Variants in WWTR1 observed in about 807,000 individuals in gnomAD.
WWTR1 encodes the protein WW domain containing transcription regulator 1.
WWTR1 carries 13 observed loss-of-function variants against 40.1 expected under a neutral mutation model. The observed-to-expected ratio is 0.32, with a 90% confidence interval of 0.21 to 0.52. WWTR1 has a LOEUF of 0.52. WWTR1 is among the 20% of genes least tolerant of loss of function. The pLI, the probability that WWTR1 is intolerant of heterozygous loss-of-function variation, is 0.97. For missense variants in WWTR1, 436 were observed against 523.1 expected, an observed-to-expected ratio of 0.83 and a Z score of 1.63; for synonymous variants, 230 against 210.1, an observed-to-expected ratio of 1.09 and a Z score of -0.82.
chr3:149,567,728 A>C lies in WWTR1; in HGVS notation c.568+5136T>G, dbSNP rs139497563. Among the ~76,000 whole-genome samples, 383 of 152,330 alleles carry C rather than the reference A, an allele frequency of 2.5e-3. 1 individual carries two copies. The highest frequency in any genetic ancestry group is 8.6e-3 in the African/African-American group (358 of 41,586). The stretch of plus-strand genomic sequence containing the variant: ...GTACCAAGACATGGACTACCTAAAT[A>C]CTCAAAACAACGTTATCAGATAGGT... On this transcript the variant is annotated intron_variant, in intron 3 of 6. Transcript: ENST00000360632.
intron 2 of WWTR1, among the ~76,000 whole-genome samples, chr3:149,641,927 G>A (rs1166363241): frequency 6.6e-6 from 1 of 152,180 alleles, no homozygotes; most frequent in African/African-American, 2.4e-5. Context: ...AGACATGCAA[G>A]ATCAATAACT....
Position 149,572,818 on chromosome 3 carries a change from C to G in WWTR1, c.568+46G>C, listed in dbSNP as rs1006572318. 2.8e-6 allele frequency: 4 copies of G among 1,409,908 alleles called. No individual in the cohort carries two copies. The African/African-American group carries it at 5.9e-5, about 21-fold the overall frequency. 87.3% of individuals were successfully genotyped at this position (1,409,908 alleles called of 1,614,324 possible). ...GCAACAAAGGGAGACCCCAACTCTA[C>G]AAAAAAAAAATATCTTTTTTAATTT... On this transcript the variant is annotated intron_variant, in intron 3 of 6. Transcript: ENST00000360632.
chr3:149,559,310 A>G (rs528784080), intron 3 of WWTR1, among the ~76,000 whole-genome samples: 22 of 147,750 alleles, frequency 1.5e-4, no homozygotes, highest in South Asian at 6.7e-4. Flanking sequence ...AAAAAAAAAA[A>G]AAAGAAAAGA....
intron 2 of WWTR1, among the ~76,000 whole-genome samples, chr3:149,640,288 T>G (rs1285994166): frequency 6.6e-6 from 1 of 152,180 alleles, no homozygotes; most frequent in Non-Finnish European, 1.5e-5. Flanking sequence ...GCAAAACAAT[T>G]GAAACTATTT....
intron 3 of WWTR1, among the ~76,000 whole-genome samples, chr3:149,561,154 C>T (rs969492939): frequency 1.3e-5 from 2 of 152,076 alleles, no homozygotes; most frequent in African/African-American, 4.8e-5. Context: ...ATTGAAACAT[C>T]ATTTATAATG....
intron 3 of WWTR1, among the ~76,000 whole-genome samples, chr3:149,561,326 T>TA (rs145568418): frequency 0.16 from 23,776 of 150,902 alleles, 2,187 homozygotes; most frequent in South Asian, 0.35. Flanking sequence ...ATTCATAAGT[T>TA]AAAAAAAAAG....
At position 149,620,006 on chromosome 3, in the gene WWTR1, A is replaced by G. The variant is rs529482562; in HGVS notation, c.431+36870T>C. Among the ~76,000 whole-genome samples the G allele has an allele frequency of 1.5e-4, 23 of 151,890 alleles. No individual in the cohort carries two copies. The South Asian group carries it at 4.8e-3, about 32-fold the overall frequency. On this transcript the variant is annotated intron_variant, in intron 2 of 6. Coordinates refer to ENST00000360632, the MANE Select transcript of WWTR1 (RefSeq NM_015472.6). Reference sequence around the variant, plus strand: ...GTCACCCAATTTGGGACTTAGCTCCATTTAACATCTACACGCTTTGATGTA... The same window carrying G: ...GTCACCCAATTTGGGACTTAGCTCCGTTTAACATCTACACGCTTTGATGTA...
chr3:149,626,624 A>C (rs1276972356), intron 2 of WWTR1, among the ~76,000 whole-genome samples: 3 of 152,050 alleles, frequency 2.0e-5, no homozygotes, highest in Non-Finnish European at 4.4e-5. Context: ...GTTTTTGGTT[A>C]GAGGTAAAAT....
chr3:149,656,793 AC>A, intron 2 of WWTR1, 82 bp downstream of exon 2: 2 of 680,968 alleles, frequency 2.9e-6, no homozygotes, highest in African/African-American at 4.0e-5. Context: ...TCTCTCTCTC[AC>A]ACACACACAC....
At chr3:149,558,609 G>T (rs1044552764) in intron 3 of WWTR1, among the ~76,000 whole-genome samples, 1 of 152,148 alleles carries the variant, frequency 6.6e-6, no homozygotes, top group Non-Finnish European at 1.5e-5. Flanking sequence ...GGAACAAATC[G>T]TGTGCCTCCT....
At chr3:149,558,223 T>G (rs1228482262) in intron 3 of WWTR1, among the ~76,000 whole-genome samples, 1 of 151,790 alleles carries the variant, frequency 6.6e-6, no homozygotes, top group Admixed American at 6.6e-5. Context: ...TGGTCTTGAG[T>G]CACACTGAGA....
intron 3 of WWTR1, among the ~76,000 whole-genome samples, chr3:149,553,574 G>C (rs943965615): frequency 6.6e-6 from 1 of 152,008 alleles, no homozygotes; most frequent in Non-Finnish European, 1.5e-5. Context: ...ATTTAGAAAG[G>C]CTTATATATG....
intron 2 of WWTR1, among the ~76,000 whole-genome samples, chr3:149,606,034 G>C (rs1204578372): frequency 1.3e-5 from 2 of 152,222 alleles, no homozygotes; most frequent in African/African-American, 4.8e-5. Flanking sequence ...AGGCCCTCAT[G>C]AAAGAGGCCA....
Position 149,520,377 on chromosome 3 carries a change from C to T in WWTR1, c.*428G>A, listed in dbSNP as rs944053251. ...CAATACAGTTTTTGAAACTGTAAATCAGGTCGAATTTTGTGCACATTTCCT... is the reference window on the plus strand; with the variant it reads ...CAATACAGTTTTTGAAACTGTAAATTAGGTCGAATTTTGTGCACATTTCCT... On this transcript the variant is annotated 3_prime_UTR_variant, in exon 7 of 7. Transcript: ENST00000360632. 5 of 154,162 alleles carry T rather than the reference C, an allele frequency of 3.2e-5. No homozygotes were observed. Among genetic ancestry groups the T allele is most frequent in the African/African-American group, 1.2e-4 (5 of 41,504 alleles). 9.5% of individuals were successfully genotyped at this position (154,162 alleles called of 1,614,324 possible).
chr3:149,634,015 T>C (rs540736953), intron 2 of WWTR1, among the ~76,000 whole-genome samples: 37 of 152,082 alleles, frequency 2.4e-4, no homozygotes, highest in Non-Finnish European at 4.9e-4. Context: ...AGTCAGAGGC[T>C]AGTGTGCTGC....
At chr3:149,671,437 T>C (rs564299219) in intron 1 of WWTR1, among the ~76,000 whole-genome samples, 1 of 152,322 alleles carries the variant, frequency 6.6e-6, no homozygotes, top group Non-Finnish European at 1.5e-5. Context: ...CTATAAGGGT[T>C]CTTTGAAGCC....
At chr3:149,613,576 C>T (rs1739832556) in intron 2 of WWTR1, among the ~76,000 whole-genome samples, 1 of 152,100 alleles carries the variant, frequency 6.6e-6, no homozygotes, top group African/African-American at 2.4e-5. Context: ...GGCAGGGTCT[C>T]ACTCTGTTGC....
intron 2 of WWTR1, among the ~76,000 whole-genome samples, chr3:149,623,801 T>C (rs533127283): frequency 1.3e-5 from 2 of 152,352 alleles, no homozygotes; most frequent in East Asian, 1.9e-4. Context: ...TGGGAATTTA[T>C]ATACAATGCC....
intron 3 of WWTR1, among the ~76,000 whole-genome samples, chr3:149,546,783 C>T (rs1736382837): frequency 6.6e-6 from 1 of 152,150 alleles, no homozygotes; most frequent in Non-Finnish European, 1.5e-5. Flanking sequence ...TGAAAAACAA[C>T]AAATACAGCT....
Sources: gnomAD v4.1 joint callset for allele counts (sites outside exome capture counted in the v4.1 genomes callset) on GRCh38, gnomAD v4.1.1 for gene constraint, MANE v1.5 for transcripts, NCBI Gene and HGNC (gene_info 2026-07-23, HGNC 2026-07-21) for gene names.